Variants in MKX observed in about 807,000 individuals in gnomAD.
MKX encodes the protein mohawk homeobox.
In MKX, 13 loss-of-function variants were observed where a neutral mutation model predicts 36.0. The observed-to-expected ratio is 0.36, with a 90% CI of 0.24 to 0.57. MKX has a LOEUF of 0.57. Among genes scored for constraint, MKX ranks in the 20% least tolerant of loss-of-function variants. MKX has a pLI of 0.79. For synonymous variants in MKX, 176 were observed against 178.3 expected, an observed-to-expected ratio of 0.99 and a Z score of 0.10; for missense variants, 458 against 456.4, an observed-to-expected ratio of 1.00 and a Z score of -0.03.
Position 27,710,316 on chromosome 10 carries a change from C to T in MKX, c.838+24140G>A, listed in dbSNP as rs1836829212. 3.3e-5 allele frequency among the ~76,000 whole-genome samples: 5 copies of T among 152,350 alleles called. No homozygotes were observed. In the South Asian group the frequency reaches 1.0e-3, roughly 32 times the overall value. ...CTAGGGCTTGATTTGTGGCCACATA[C>T]TTTGCTTCCTATTCTTGATCCCTGG... On this transcript the variant is annotated intron_variant, in intron 5 of 6. Coordinates refer to ENST00000419761, the MANE Select transcript of MKX (RefSeq NM_173576.3).
chr10:27,701,470 A>G (rs1836652878), intron 5 of MKX, among the ~76,000 whole-genome samples: 1 of 146,462 alleles, frequency 6.8e-6, no homozygotes, highest in African/African-American at 2.5e-5. Flanking sequence ...AAAATTATAT[A>G]TAAAAGGTGT....
At chr10:27,740,702 C>T (rs765575657) in intron 3 of MKX, among the ~76,000 whole-genome samples, 1 of 152,158 alleles carries the variant, frequency 6.6e-6, no homozygotes, top group Non-Finnish European at 1.5e-5. Flanking sequence ...TCCTTAAGCC[C>T]AGCAGAAAAG....
Position 27,674,767 on chromosome 10 carries a change from A to C in MKX, c.*462T>G, listed in dbSNP as rs1190384402. On this transcript the variant is annotated 3_prime_UTR_variant, in exon 7 of 7. Coordinates refer to ENST00000419761, the MANE Select transcript of MKX (RefSeq NM_173576.3). Reference sequence around the variant, plus strand: ...AATGTAGACGTTTTTTAAAAGGAAGATTTCATTTGGGCTGAACAGATATCC... The same window carrying C: ...AATGTAGACGTTTTTTAAAAGGAAGCTTTCATTTGGGCTGAACAGATATCC... 2 of 152,820 alleles carry C rather than the reference A, an allele frequency of 1.3e-5. No homozygotes were observed. Among genetic ancestry groups the C allele is most frequent in the East Asian group, 3.8e-4 (2 of 5,208 alleles). The allele number at this position is 152,820 out of a possible 1,614,324, so 9.5% of individuals were successfully genotyped here. A position where few individuals can be genotyped will look rare whatever the true frequency, so the allele number is the denominator to read the frequency against.
intron 5 of MKX, among the ~76,000 whole-genome samples, chr10:27,687,835 G>A (rs1048268150): frequency 1.3e-5 from 2 of 152,200 alleles, no homozygotes; most frequent in African/African-American, 4.8e-5. Context: ...GTGTCAGCGG[G>A]GGATGAGAAA....
At chr10:27,734,311 C>G (rs1834699098) in intron 5 of MKX, 145 bp downstream of exon 5, 1 of 706,724 alleles carries the variant, frequency 1.4e-6, no homozygotes, top group Non-Finnish European at 2.2e-6. Context: ...CAATTCTAAA[C>G]AAAACGAAAG....
chr10:27,711,499 TTTCCTTCCTTCCTTCC>T (rs58561142), intron 5 of MKX, among the ~76,000 whole-genome samples: 27 of 93,076 alleles, frequency 2.9e-4, no homozygotes, highest in South Asian at 8.9e-4. Flanking sequence ...CTCTCTCTTC[TTTCCTTCCTTCCTTCC>T]TTCCTTCCTT....
At chr10:27,708,735 A>AC (rs2132538387) in intron 5 of MKX, among the ~76,000 whole-genome samples, 1 of 141,456 alleles carries the variant, frequency 7.1e-6, no homozygotes, top group East Asian at 2.5e-4. Flanking sequence ...TTCAAAAAAA[A>AC]AAAAACGACT....
intron 5 of MKX, among the ~76,000 whole-genome samples, chr10:27,719,978 C>CAA (rs201683975): frequency 0.03 from 2,524 of 84,406 alleles, 60 homozygotes; most frequent in East Asian, 0.074. Context: ...AACAGAGTCT[C>CAA]AAAAAAAAAA....
chr10:27,695,179 A>AAT (rs1836531780), intron 5 of MKX, among the ~76,000 whole-genome samples: 1 of 152,152 alleles, frequency 6.6e-6, no homozygotes, highest in East Asian at 1.9e-4. Flanking sequence ...GGCCAGCAGT[A>AAT]GCGTGCCACT....
rs146057536 is a variant in MKX, at chr10:27,722,236, C to T, written c.838+12220G>A. ...CTACCCCATGGTCAGAGCCCAACACCCCCACTGGGCAGAGTCCTTTACCTG... is the reference window on the plus strand; with the variant it reads ...CTACCCCATGGTCAGAGCCCAACACTCCCACTGGGCAGAGTCCTTTACCTG... On this transcript the variant is annotated intron_variant, in intron 5 of 6. Coordinates refer to ENST00000419761, the MANE Select transcript of MKX (RefSeq NM_173576.3). Among the ~76,000 whole-genome samples, 50 of 152,256 alleles carry T rather than the reference C, an allele frequency of 3.3e-4. No individual in the cohort carries two copies. The East Asian group carries it at 8.7e-3, about 26-fold the overall frequency.
intron 5 of MKX, among the ~76,000 whole-genome samples, chr10:27,686,389 AAGGGAAAGGAAGGAAGG>A (rs202177892): frequency 0.07 from 9,344 of 133,876 alleles, 486 homozygotes; most frequent in East Asian, 0.25. Flanking sequence ...AAGGGAAGGG[AAGGGAAAGGAAGGAAGG>A]AAGGAAGGAA....
intron 3 of MKX, among the ~76,000 whole-genome samples, chr10:27,736,196 G>C (rs1393305805): frequency 6.6e-5 from 10 of 152,096 alleles, no homozygotes; most frequent in Admixed American, 5.9e-4. Context: ...AACCATTAGA[G>C]ATGAAAAAAG....
chr10:27,728,970 A>C (rs1318823821), intron 5 of MKX, among the ~76,000 whole-genome samples: 2 of 152,130 alleles, frequency 1.3e-5, no homozygotes, highest in Non-Finnish European at 2.9e-5. Flanking sequence ...GGACATCCAA[A>C]TGGATACTAC....
At chr10:27,720,322 GAA>G (rs199857626) in intron 5 of MKX, among the ~76,000 whole-genome samples, 1 of 140,536 alleles carries the variant, frequency 7.1e-6, no homozygotes, top group Admixed American at 7.1e-5. Context: ...AGACCATTAG[GAA>G]AAAAAAAAAG....
At chr10:27,693,255 A>T (rs1836486911) in intron 5 of MKX, among the ~76,000 whole-genome samples, 1 of 151,978 alleles carries the variant, frequency 6.6e-6, no homozygotes, top group Admixed American at 6.6e-5. Context: ...TGCTGAGACC[A>T]CTCCTCCCAA....
At chr10:27,702,462 A>AT (rs1836675048) in intron 5 of MKX, among the ~76,000 whole-genome samples, 1 of 152,172 alleles carries the variant, frequency 6.6e-6, no homozygotes, top group South Asian at 2.1e-4. Flanking sequence ...AAATTTGCAA[A>AT]TTTTATCAGA....
Position 27,674,016 on chromosome 10 carries a change from GA to G in MKX, c.*1212del, listed in dbSNP as rs985833484. On this transcript the variant is annotated 3_prime_UTR_variant, in exon 7 of 7. Coordinates refer to ENST00000419761, the MANE Select transcript of MKX (RefSeq NM_173576.3). ...TTCAAGTTTCAGGTCTTCCCAAGCT[GA>G]TTGGAATATTATTGTTTAGTTGAGA... 3.3e-5 allele frequency: 5 copies of G among 152,110 alleles called. No individual in the cohort carries two copies. The highest frequency in any genetic ancestry group is 7.4e-5 in the Non-Finnish European group (5 of 68,008). The allele number at this position is 152,110 out of a possible 1,614,324, so 9.4% of individuals were successfully genotyped here.
intron 5 of MKX, among the ~76,000 whole-genome samples, chr10:27,677,270 T>C (rs920995624): frequency 5.3e-5 from 8 of 152,130 alleles, no homozygotes; most frequent in African/African-American, 1.7e-4. Flanking sequence ...AAAACTGTCT[T>C]TTCCTGCCCT....
chr10:27,731,133 C>CAA lies in MKX; in HGVS notation c.838+3321_838+3322dup, dbSNP rs752968438. On this transcript the variant is annotated intron_variant, in intron 5 of 6. Coordinates refer to ENST00000419761, the MANE Select transcript of MKX (RefSeq NM_173576.3). ...TGAGCGACAGAGCAAGACTCCATCTCAAAAAAAAAAAAAAAAAGGAAAAAA... is the reference window on the plus strand; with the variant it reads ...TGAGCGACAGAGCAAGACTCCATCTCAAAAAAAAAAAAAAAAAAAGGAAAAAA... 2.3e-3 allele frequency among the ~76,000 whole-genome samples: 158 copies of CAA among 68,646 alleles called. 2 individuals carry two copies. The South Asian group carries it at 0.027, about 12-fold the overall frequency. 45.0% of individuals were successfully genotyped at this position (68,646 alleles called of 152,430 possible). A position where few individuals can be genotyped will look rare whatever the true frequency, so the allele number is the denominator to read the frequency against.
Sources: allele counts gnomAD v4.1 joint callset (sites outside exome capture counted in the v4.1 genomes callset), GRCh38; gene constraint gnomAD v4.1.1; transcripts MANE v1.5; gene names NCBI Gene and HGNC (gene_info 2026-07-23, HGNC 2026-07-21).